The following SLC48A1 variants were observed in gnomAD, a reference collection of about 807,000 sequenced individuals.
The protein encoded by SLC48A1 is heme transporter HRG1.
In SLC48A1, 6 loss-of-function variants were observed where a neutral mutation model predicts 14.8. The observed-to-expected ratio is 0.41, with a 90% CI of 0.22 to 0.80. The LOEUF is 0.80. Ranked by LOEUF, SLC48A1 falls within the 30% of genes least tolerant of loss-of-function variation. SLC48A1 has a pLI of 0.34. For synonymous variants in SLC48A1, 89 were observed against 90.0 expected, an observed-to-expected ratio of 0.99 and a Z score of 0.06; for missense variants, 165 against 204.8, an observed-to-expected ratio of 0.81 and a Z score of 1.19.
chr12:47,779,152 T>G lies in SLC48A1; in HGVS notation c.261T>G (p.Ala87=). 6.4e-7 allele frequency: 1 copy of G among 1,551,886 alleles called. No individual in the cohort carries two copies. Among genetic ancestry groups the G allele is most frequent in the Non-Finnish European group, 8.7e-7 (1 of 1,147,038 alleles). The change falls in exon 2 of 3, where the codon GCT becomes GCG. Residue 87 remains alanine, a synonymous_variant. Transcript: ENST00000442218. The stretch of plus-strand genomic sequence containing the variant: ...TCCTCTTCTCGGCCGTCTCCATCGC[T>G]GCCTTCTGCACCTTCCTCGTGCTGG... ...VGVLFSAVSI[A]AFCTFLVLAI... is the part of the protein sequence containing the mutation.
At chr12:47,770,056 G>A (rs1199294177), upstream of SLC48A1, among the ~76,000 whole-genome samples, 1 of 152,222 alleles carries the variant, frequency 6.6e-6, no homozygotes, top group African/African-American at 2.4e-5. Flanking sequence ...ACATCTGTGA[G>A]TTAGGGGCAC....
At chr12:47,756,301 C>G (rs1389984904), upstream of SLC48A1, 1 of 152,222 alleles carries the variant, frequency 6.6e-6, no homozygotes, top group Non-Finnish European at 1.5e-5. Flanking sequence ...TACCCCCTAC[C>G]TTGCTTCCAC....
chr12:47,758,578 G>A (rs1565772954), exon 1 of SLC48A1: 2 of 1,613,870 alleles, frequency 1.2e-6, no homozygotes, highest in South Asian at 1.1e-5. Context: ...AGCTCGCACA[G>A]CCGTGCAGGC....
intron 1 of SLC48A1, chr12:47,758,815 C>A: frequency 1.6e-6 from 2 of 1,229,460 alleles, no homozygotes; most frequent in Non-Finnish European, 2.0e-6. Flanking sequence ...CAGGGAGCCC[C>A]GAGCCTGCGC....
upstream of SLC48A1, among the ~76,000 whole-genome samples, chr12:47,771,932 C>CAAA (rs372095423): frequency 8.0e-6 from 1 of 125,072 alleles, no homozygotes; most frequent in Non-Finnish European, 1.7e-5. Flanking sequence ...GACTCCGTCT[C>CAAA]AAAAAAAAAA....
At chr12:47,775,885 C>T (rs1472602108) in intron 1 of SLC48A1, among the ~76,000 whole-genome samples, 1 of 152,164 alleles carries the variant, frequency 6.6e-6, no homozygotes, top group Admixed American at 6.5e-5. Context: ...GCAAGACTGG[C>T]TTTCCTGGGG....
chr12:47,760,305 C>G, exon 2 of SLC48A1: 3 of 985,430 alleles, frequency 3.0e-6, no homozygotes, highest in Non-Finnish European at 3.6e-6. Flanking sequence ...TGAATCTGAC[C>G]TCAGACCCAA....
chr12:47,778,863 T>TA, intron 1 of SLC48A1, 165 bp from the exon 2 acceptor site: 1 of 744,560 alleles, frequency 1.3e-6, no homozygotes, highest in Non-Finnish European at 2.0e-6. Context: ...CTCAGTCTCT[T>TA]ACCTGCTTCT....
At chr12:47,754,375 C>T (rs1225707542), upstream of SLC48A1, among the ~76,000 whole-genome samples, 1 of 152,222 alleles carries the variant, frequency 6.6e-6, no homozygotes, top group African/African-American at 2.4e-5. Context: ...CTCTCTGTGC[C>T]CCCAGGATGT....
Position 47,773,377 on chromosome 12 carries a change from A to C in SLC48A1, c.73A>C (p.Ile25Leu). Residue 25 changes from isoleucine (I) to leucine (L), a missense_variant, in exon 1 of 3, where the codon ATC (isoleucine) becomes CTC (leucine). Transcript: ENST00000442218. ...CATCAGCTCCGTGGCCGGCTTCTCC[A>C]TCTTCCTCGTCTGGACGGTGGTCTA... ...SGISSVAGFS[I>L]FLVWTVVYRQ... The C allele has an allele frequency of 6.8e-7, 1 of 1,477,350 alleles. No homozygotes were observed. The highest frequency in any genetic ancestry group is 9.0e-7 in the Non-Finnish European group (1 of 1,113,216). The allele number at this position is 1,477,350 out of a possible 1,614,324, so 91.5% of individuals were successfully genotyped here. A position where few individuals can be genotyped will look rare whatever the true frequency, so the allele number is the denominator to read the frequency against.
At chr12:47,758,696 G>A in intron 1 of SLC48A1, 1 of 1,439,214 alleles carries the variant, frequency 6.9e-7, no homozygotes, top group Non-Finnish European at 9.2e-7. Context: ...CCAGTGCCTA[G>A]CTGGACTGGC....
At chr12:47,759,719 G>C (rs1942313450) in intron 1 of SLC48A1, among the ~76,000 whole-genome samples, 1 of 152,204 alleles carries the variant, frequency 6.6e-6, no homozygotes, top group Non-Finnish European at 1.5e-5. Context: ...CCCCACTCCT[G>C]AGAGGGTGGA....
In SLC48A1 at chr12:47,773,312, C is replaced by G; in HGVS notation, c.8C>G (p.Pro3Arg). Residue 3 changes from proline to arginine, a missense_variant, in exon 1 of 3, where the codon CCG becomes CGG. Coordinates refer to ENST00000442218, the MANE Select transcript of SLC48A1 (RefSeq NM_017842.3). MA[P>R]SRLQLGLRAA... ...GCCCGGCGCCGCAGCCCCATGGCCC[C>G]GTCCAGGCTGCAGCTCGGCCTCCGC... is the stretch of plus-strand genomic sequence containing the variant. 2 of 1,462,086 alleles carry G rather than the reference C, an allele frequency of 1.4e-6. No homozygotes were observed. Among genetic ancestry groups the G allele is most frequent in the Non-Finnish European group, 1.8e-6 (2 of 1,106,058 alleles). The allele number at this position is 1,462,086 out of a possible 1,614,324, so 90.6% of individuals were successfully genotyped here.
chr12:47,778,026 C>G (rs1223388412), intron 1 of SLC48A1, among the ~76,000 whole-genome samples: 2 of 152,222 alleles, frequency 1.3e-5, no homozygotes, highest in South Asian at 2.1e-4. Context: ...GCAACCCAAC[C>G]AGCTGAGAGC....
chr12:47,757,115 G>A (rs764131941), upstream of SLC48A1, among the ~76,000 whole-genome samples: 7 of 152,156 alleles, frequency 4.6e-5, no homozygotes, highest in Admixed American at 2.6e-4. Context: ...GCAACATAGC[G>A]AAACCTGGGT....
chr12:47,757,426 G>A (rs998892049), upstream of SLC48A1, among the ~76,000 whole-genome samples: 7 of 152,012 alleles, frequency 4.6e-5, no homozygotes, highest in Admixed American at 1.3e-4. Flanking sequence ...AGACCAAAAC[G>A]CAGAATTAGC....
upstream of SLC48A1, among the ~76,000 whole-genome samples, chr12:47,766,838 T>C (rs1942525814): frequency 1.3e-5 from 2 of 152,164 alleles, no homozygotes; most frequent in Admixed American, 1.3e-4. Flanking sequence ...GCAGTTTCAC[T>C]CTAGCCCTGA....
At chr12:47,770,215 A>G (rs182773941), upstream of SLC48A1, among the ~76,000 whole-genome samples, 10 of 152,378 alleles carry the variant, frequency 6.6e-5, no homozygotes, top group East Asian at 1.9e-3. Context: ...CTACTGTTAC[A>G]TAATTATTTC....
intron 1 of SLC48A1, among the ~76,000 whole-genome samples, chr12:47,778,028 G>C (rs1361715150): frequency 6.6e-6 from 1 of 152,216 alleles, no homozygotes; most frequent in Non-Finnish European, 1.5e-5. Flanking sequence ...AACCCAACCA[G>C]CTGAGAGCCT....
Sources: gnomAD v4.1 joint callset for allele counts (sites outside exome capture counted in the v4.1 genomes callset) on GRCh38, gnomAD v4.1.1 for gene constraint, MANE v1.5 for transcripts, NCBI Gene and HGNC (gene_info 2026-07-23, HGNC 2026-07-21) for gene names.